NFIB: variants seen among roughly 807,000 people sequenced by gnomAD.
The protein encoded by NFIB is nuclear factor I B, also known as nuclear factor 1 B-type.
In NFIB, 11 loss-of-function variants were observed where a neutral mutation model predicts 61.5. The ratio of observed to expected loss-of-function variants is 0.18; its 90% CI spans 0.11 to 0.30. The LOEUF (loss-of-function observed/expected upper bound fraction) is 0.30, where lower values mean the gene tolerates loss of function less well. NFIB is among the 10% of genes least tolerant of loss of function. The pLI is 1.00. For missense variants in NFIB, 471 were observed against 608.9 expected (o/e 0.77, Z 2.38); for synonymous variants, 260 against 216.5 (o/e 1.20, Z -1.76).
chr9:14,518,953 A>G, the NFIB span, among the ~76,000 whole-genome samples: 1 of 152,130 alleles, frequency 6.6e-6, no homozygotes, highest in Non-Finnish European at 1.5e-5. Context: ...GGAAGGGGAA[A>G]GTCCAGGCCC....
intron 3 of NFIB, among the ~76,000 whole-genome samples, chr9:14,161,860 A>G (rs2044240876): frequency 6.6e-6 from 1 of 152,190 alleles, no homozygotes; most frequent in Non-Finnish European, 1.5e-5. Flanking sequence ...ACTGTCAAGC[A>G]GCTTTCCACA....
chr9:14,313,959 C>T lies in NFIB; in HGVS notation c.-448G>A. The T allele has an allele frequency of 1.5e-6, 1 of 657,110 alleles. No individual in the cohort carries two copies. Among genetic ancestry groups the T allele is most frequent in the South Asian group, 7.5e-5 (1 of 13,258 alleles). 40.7% of individuals were successfully genotyped at this position (657,110 alleles called of 1,614,324 possible). ...TTCAAAAAAGGCGGGGAGGGGGGCG[C>T]GGGAGGGCGCAGGAGGGCGAGCGGG... On this transcript the variant is annotated 5_prime_UTR_variant, in exon 1 of 11. Transcript: ENST00000380953. This position sits in a 1 kb window ranked among gnomAD's most constrained non-coding sequence, Gnocchi z 4.5.
chr9:14,469,535 T>C, the NFIB span, among the ~76,000 whole-genome samples: 1 of 152,208 alleles, frequency 6.6e-6, no homozygotes, highest in Admixed American at 6.5e-5. Context: ...ATCTTGTGTA[T>C]TTTACTGGCT....
At chr9:14,283,633 T>TTTTTTAG (rs1369705639) in intron 2 of NFIB, among the ~76,000 whole-genome samples, 2 of 152,232 alleles carry the variant, frequency 1.3e-5, no homozygotes, top group African/African-American at 4.8e-5. Context: ...GAGCCATCAC[T>TTTTTTAG]GCTCTTTTTA....
At chr9:14,256,044 C>T (rs1326406950) in intron 2 of NFIB, among the ~76,000 whole-genome samples, 1 of 152,222 alleles carries the variant, frequency 6.6e-6, no homozygotes, top group East Asian at 1.9e-4. Flanking sequence ...CAAAGGGAAG[C>T]TACCAATGGT....
chr9:14,341,939 GAAAA>G (rs5896628), intron 1 of NFIB, among the ~76,000 whole-genome samples: 7 of 140,688 alleles, frequency 5.0e-5, no homozygotes, highest in African/African-American at 1.8e-4. Flanking sequence ...TCCTCGGGAG[GAAAA>G]AAAAAAAAAA....
At chr9:14,089,870 A>C (rs983419181) in intron 10 of NFIB, among the ~76,000 whole-genome samples, 1 of 152,180 alleles carries the variant, frequency 6.6e-6, no homozygotes, top group Non-Finnish European at 1.5e-5. Context: ...ACCTCGATAC[A>C]AAATGTTGCT....
intron 1 of NFIB, among the ~76,000 whole-genome samples, chr9:14,338,112 T>A (rs567350346): frequency 1.3e-5 from 2 of 152,284 alleles, no homozygotes; most frequent in South Asian, 4.1e-4. Context: ...AGAAAATACG[T>A]AGCCGGGCGC....
intron 3 of NFIB, among the ~76,000 whole-genome samples, chr9:14,158,881 TAGTA>T (rs1325091953): frequency 1.3e-5 from 2 of 152,228 alleles, no homozygotes; most frequent in African/African-American, 4.8e-5. Context: ...AGTGTTTAAA[TAGTA>T]AGAGCCCAAA....
At chr9:14,479,138 A>C in the NFIB span, among the ~76,000 whole-genome samples, 1 of 152,180 alleles carries the variant, frequency 6.6e-6, no homozygotes, top group Admixed American at 6.5e-5. Context: ...CAGGTCCCTC[A>C]CCCAGTGAAT....
At chr9:14,246,189 A>C (rs906618342) in intron 2 of NFIB, among the ~76,000 whole-genome samples, 9 of 151,924 alleles carry the variant, frequency 5.9e-5, no homozygotes, top group African/African-American at 2.2e-4. Context: ...CCCAGACCTA[A>C]TTTTAACACT....
rs112931104 is a variant in NFIB, at chr9:14,170,546, G to C, written c.616+9181C>G. 1.5e-3 allele frequency among the ~76,000 whole-genome samples: 225 copies of C among 152,280 alleles called. 1 individual carries two copies. Among genetic ancestry groups the C allele is most frequent in the African/African-American group, 5.3e-3 (220 of 41,548 alleles). On this transcript the variant is annotated intron_variant, in intron 3 of 10. Coordinates refer to ENST00000380953, the MANE Select transcript of NFIB (RefSeq NM_001190737.2). ...TGTCCCAGCTACTTGAGAGGCTTGA[G>C]GTGGGAAGATTGTTTGAACCCAGGA...
chr9:14,356,761 A>G (rs1351838065), intron 1 of NFIB, among the ~76,000 whole-genome samples: 1 of 152,178 alleles, frequency 6.6e-6, no homozygotes, highest in African/African-American at 2.4e-5. Context: ...TTAATTATGA[A>G]TAATGATACA....
chr9:14,191,573 CT>C (rs1455020583), intron 2 of NFIB, among the ~76,000 whole-genome samples: 2 of 152,070 alleles, frequency 1.3e-5, no homozygotes, highest in Non-Finnish European at 2.9e-5. Flanking sequence ...CTCATTTTAT[CT>C]TTAATAGAGA....
chr9:14,369,246 G>T (rs1255601932), intron 1 of NFIB, among the ~76,000 whole-genome samples: 1 of 152,218 alleles, frequency 6.6e-6, no homozygotes, highest in Non-Finnish European at 1.5e-5. Flanking sequence ...TTCAAGCACA[G>T]TGATTTCCCA....
chr9:14,173,340 G>C (rs1055840684), intron 3 of NFIB, among the ~76,000 whole-genome samples: 2 of 152,068 alleles, frequency 1.3e-5, no homozygotes, highest in Middle Eastern at 3.4e-3. Context: ...TACAATGGTG[G>C]GAAACAGTAT....
chr9:14,277,045 C>T (rs2058051054), intron 2 of NFIB, among the ~76,000 whole-genome samples: 1 of 152,060 alleles, frequency 6.6e-6, no homozygotes, highest in Non-Finnish European at 1.5e-5. Context: ...AAGCTCAAAA[C>T]ACATTTCAAA....
chr9:14,445,938 G>C, the NFIB span, among the ~76,000 whole-genome samples: 3 of 152,026 alleles, frequency 2.0e-5, no homozygotes, highest in African/African-American at 4.8e-5. Context: ...GAGTTTTCTG[G>C]TAACACACTG....
chr9:14,415,510 A>T, the NFIB span, among the ~76,000 whole-genome samples: 1 of 152,250 alleles, frequency 6.6e-6, no homozygotes. Flanking sequence ...TGTGAATAGC[A>T]GGAGGCCACC....
Sources: allele counts gnomAD v4.1 joint callset (sites outside exome capture counted in the v4.1 genomes callset), GRCh38; gene constraint gnomAD v4.1.1; non-coding constraint Gnocchi (gnomAD v3.1); transcripts MANE v1.5; gene names NCBI Gene and HGNC (gene_info 2026-07-23, HGNC 2026-07-21).